Variants in CTSC observed in about 807,000 individuals in gnomAD.
The protein encoded by CTSC is dipeptidyl peptidase 1.
CTSC carries 37 observed loss-of-function variants against 40.9 expected under a neutral mutation model. The observed-to-expected ratio is 0.91, with a 90% CI of 0.70 to 1.19. The LOEUF (loss-of-function observed/expected upper bound fraction) is 1.19. Ranked by LOEUF, CTSC falls within the 50% of genes most tolerant of loss-of-function variation. The pLI, the probability that CTSC is intolerant of heterozygous loss-of-function variation, is 0.00. For missense variants in CTSC, 594 were observed against 567.3 expected (o/e 1.05, Z -0.48); for synonymous variants, 232 against 207.4 (o/e 1.12, Z -1.02).
At chr11:88,321,968 T>A (rs1219823156) in intron 2 of CTSC, 1 of 152,208 alleles carries the variant, frequency 6.6e-6, no homozygotes, top group African/African-American at 2.4e-5. Flanking sequence ...TGAGATGGTA[T>A]CTCATTGTGA....
At chr11:88,328,149 C>T (rs1452848570) in intron 2 of CTSC, 1 of 1,613,810 alleles carries the variant, frequency 6.2e-7, no homozygotes. Context: ...CATATATCCC[C>T]ACAGTTCCCA....
chr11:88,330,518 T>C (rs1448258223), intron 2 of CTSC, among the ~76,000 whole-genome samples: 1 of 152,074 alleles, frequency 6.6e-6, no homozygotes, highest in Non-Finnish European at 1.5e-5. Context: ...CCAGCTAATT[T>C]TTGTATTTTT....
chr11:88,297,538 C>T (rs1944312161), intron 5 of CTSC: 2 of 152,200 alleles, frequency 1.3e-5, no homozygotes, highest in African/African-American at 2.4e-5. Flanking sequence ...TTTCTGACCA[C>T]CCAGCTTTCT....
rs866021264 is a variant in CTSC, at chr11:88,335,084, T to G, written c.173-2A>C. The G allele has an allele frequency of 5.2e-6, 8 of 1,525,134 alleles. No individual in the cohort carries two copies. Among genetic ancestry groups the G allele is most frequent in the Non-Finnish European group, 7.1e-6 (8 of 1,120,090 alleles). The allele number at this position is 1,525,134 out of a possible 1,614,324, so 94.5% of individuals were successfully genotyped here. ...CCACTACTTTTTTTTCTTGTGGTCC[T>G]AAAGAAAAAAAAAAAAAGCACAATA... On this transcript the variant is annotated splice_acceptor_variant, in intron 1 of 6. Transcript: ENST00000227266. LOFTEE classifies it high-confidence loss of function.
At chr11:88,313,604 C>T (rs753055628) in intron 2 of CTSC, among the ~76,000 whole-genome samples, 2 of 152,034 alleles carry the variant, frequency 1.3e-5, no homozygotes, top group Non-Finnish European at 2.9e-5. Context: ...CTCATGGAGG[C>T]GGGGCACATG....
At chr11:88,313,733 A>C (rs890970147) in intron 2 of CTSC, among the ~76,000 whole-genome samples, 2 of 152,174 alleles carry the variant, frequency 1.3e-5, no homozygotes, top group African/African-American at 4.8e-5. Context: ...AGAAAAGACT[A>C]TTTGTAGAAC....
intron 2 of CTSC, chr11:88,321,922 ATGT>A (rs1938025380): frequency 6.6e-6 from 1 of 152,094 alleles, no homozygotes; most frequent in Non-Finnish European, 1.5e-5. Flanking sequence ...CCTCACTAGC[ATGT>A]TGTTTGACTT....
Position 88,337,553 on chromosome 11 carries a change from G to T in CTSC, c.120C>A (p.Val40=). The T allele has an allele frequency of 6.3e-7, 1 of 1,577,318 alleles. No homozygotes were observed. Among genetic ancestry groups the T allele is most frequent in the Non-Finnish European group, 8.6e-7 (1 of 1,160,570 alleles). ...GGGAACCGCTGGAGCCCACCTGGAA[G>T]ACCCAGGTGCCCAGCAGGTCAAGAT... ...CTYLDLLGTW[V]FQVGSSGSQR... Residue 40 remains valine, a synonymous_variant, in exon 1 of 7, where the codon GTC becomes GTA. Transcript: ENST00000227266.
At chr11:88,326,795 C>T (rs145407289) in intron 2 of CTSC, among the ~76,000 whole-genome samples, 1 of 152,316 alleles carries the variant, frequency 6.6e-6, no homozygotes, top group African/African-American at 2.4e-5. Context: ...TTAATTTAGG[C>T]TCAGTGCTGC....
chr11:88,309,450 A>C, intron 3 of CTSC, 132 bp from the exon 4 acceptor site: 1 of 793,412 alleles, frequency 1.3e-6, no homozygotes, highest in Non-Finnish European at 2.2e-6. Flanking sequence ...GGCAATATGT[A>C]TCAATAGCCT....
chr11:88,304,204 T>C (rs1461206980), intron 4 of CTSC, among the ~76,000 whole-genome samples: 1 of 152,160 alleles, frequency 6.6e-6, no homozygotes, highest in Non-Finnish European at 1.5e-5. Flanking sequence ...AAACTACAGT[T>C]CACTTCTATT....
At chr11:88,312,264 C>T (rs1378098125) in intron 3 of CTSC, 124 bp downstream of exon 3, 1 of 900,288 alleles carries the variant, frequency 1.1e-6, no homozygotes. Context: ...TTTTACATAG[C>T]ATGCCTAATA....
At chr11:88,332,935 A>T (rs548377452) in intron 2 of CTSC, among the ~76,000 whole-genome samples, 1 of 152,352 alleles carries the variant, frequency 6.6e-6, no homozygotes, top group East Asian at 1.9e-4. Context: ...TTGGGAACAC[A>T]TATAACTTTA....
intron 2 of CTSC, among the ~76,000 whole-genome samples, chr11:88,331,341 T>C (rs528796083): frequency 6.6e-6 from 1 of 152,210 alleles, no homozygotes; most frequent in East Asian, 1.9e-4. Flanking sequence ...CAAATTGGGG[T>C]TCCCATAACC....
At chr11:88,316,141 T>C (rs1591232294) in intron 2 of CTSC, among the ~76,000 whole-genome samples, 1 of 152,210 alleles carries the variant, frequency 6.6e-6, no homozygotes, top group African/African-American at 2.4e-5. Flanking sequence ...GGTACCTATG[T>C]TGCCTTGGCT....
At chr11:88,309,820 A>G (rs902293134) in intron 3 of CTSC, among the ~76,000 whole-genome samples, 172 of 78,660 alleles carry the variant, frequency 2.2e-3, no homozygotes, top group African/African-American at 4.3e-3. Flanking sequence ...GCGCGCACAC[A>G]CACACACACA....
intron 3 of CTSC, among the ~76,000 whole-genome samples, chr11:88,310,031 A>T (rs1937716293): frequency 6.6e-6 from 1 of 152,158 alleles, no homozygotes; most frequent in Non-Finnish European, 1.5e-5. Flanking sequence ...TAACCATATG[A>T]TACTAAAAGA....
chr11:88,316,162 T>C (rs1351578290), intron 2 of CTSC, among the ~76,000 whole-genome samples: 1 of 152,168 alleles, frequency 6.6e-6, no homozygotes, highest in Non-Finnish European at 1.5e-5. Flanking sequence ...CTTTCAGTCT[T>C]TTTACCATGC....
intron 2 of CTSC, chr11:88,324,797 G>T (rs994762191): frequency 1.7e-5 from 17 of 985,178 alleles, no homozygotes; most frequent in Admixed American, 6.2e-5. Flanking sequence ...GCGTCATCAA[G>T]GTCCTGAGTG....
Sources: gnomAD v4.1 joint callset for allele counts (sites outside exome capture counted in the v4.1 genomes callset) on GRCh38, gnomAD v4.1.1 for gene constraint, MANE v1.5 for transcripts, NCBI Gene and HGNC (gene_info 2026-07-23, HGNC 2026-07-21) for gene names.